Variants in HS3ST4 observed in about 807,000 individuals in gnomAD.
The protein encoded by HS3ST4 is heparan sulfate-glucosamine 3-sulfotransferase 4, also known as heparan sulfate glucosamine 3-O-sulfotransferase 4.
A neutral mutation model predicts 29.2 loss-of-function variants in HS3ST4; 17 were observed. That is an observed-to-expected ratio of 0.58 (90% CI 0.40 to 0.87). HS3ST4 has a LOEUF of 0.87. Ranked by LOEUF, HS3ST4 falls within the 40% of genes least tolerant of loss-of-function variation. The pLI, the probability that HS3ST4 is intolerant of heterozygous loss-of-function variation, is 0.00. For missense variants in HS3ST4, 627 were observed against 634.5 expected (o/e 0.99, Z 0.13); for synonymous variants, 314 against 285.7 (o/e 1.10, Z -1.00).
intron 1 of HS3ST4, among the ~76,000 whole-genome samples, chr16:25,714,556 A>T (rs1309296631): frequency 1.3e-5 from 2 of 152,196 alleles, no homozygotes; most frequent in Admixed American, 6.5e-5. Flanking sequence ...GATGATGCAG[A>T]ACTTGTCCAC....
At chr16:26,119,116 T>C (rs918204579) in intron 1 of HS3ST4, among the ~76,000 whole-genome samples, 3 of 152,198 alleles carry the variant, frequency 2.0e-5, no homozygotes, top group African/African-American at 7.2e-5. Flanking sequence ...TGTCCCAGAT[T>C]GTGTACACTG....
At chr16:25,979,399 C>T (rs955030553) in intron 1 of HS3ST4, among the ~76,000 whole-genome samples, 9 of 152,052 alleles carry the variant, frequency 5.9e-5, no homozygotes, top group African/African-American at 1.9e-4. Context: ...TTACAGCCAC[C>T]CCCTATTGTT....
At chr16:25,701,802 A>G (rs1323247707) in intron 1 of HS3ST4, among the ~76,000 whole-genome samples, 1 of 152,236 alleles carries the variant, frequency 6.6e-6, no homozygotes, top group Non-Finnish European at 1.5e-5. Flanking sequence ...AAATGATCAC[A>G]TTGAAAGGTG....
At chr16:25,756,822 C>G (rs1286340747) in intron 1 of HS3ST4, among the ~76,000 whole-genome samples, 2 of 152,146 alleles carry the variant, frequency 1.3e-5, no homozygotes, top group Non-Finnish European at 2.9e-5. Flanking sequence ...AGCAAAGAAG[C>G]AAAACTGCTT....
At chr16:26,030,398 C>A (rs1307094505) in intron 1 of HS3ST4, among the ~76,000 whole-genome samples, 1 of 152,032 alleles carries the variant, frequency 6.6e-6, no homozygotes, top group East Asian at 1.9e-4. Context: ...GGGTGAGACG[C>A]CGTCTCTAAA....
chr16:25,966,055 A>G (rs12446750), intron 1 of HS3ST4, among the ~76,000 whole-genome samples: 12,383 of 152,214 alleles, frequency 0.081, 715 homozygotes, highest in African/African-American at 0.14. Context: ...TTCATATACC[A>G]TATCATGACA....
rs148936367 is a variant in HS3ST4, at chr16:25,831,978, T to A, written c.734+138827T>A. On this transcript the variant is annotated intron_variant, in intron 1 of 1. Coordinates refer to ENST00000331351, the MANE Select transcript of HS3ST4 (RefSeq NM_006040.3). Reference sequence around the variant, plus strand: ...AAAATTAGCTGTGTGTGGTGGTGCATGTCTGTGGTTCCAGCTGCTCGGGAG... The same window carrying A: ...AAAATTAGCTGTGTGTGGTGGTGCAAGTCTGTGGTTCCAGCTGCTCGGGAG... Among the ~76,000 whole-genome samples, 750 of 152,114 alleles carry A rather than the reference T, an allele frequency of 4.9e-3. 5 individuals are homozygous for A. Among genetic ancestry groups the A allele is most frequent in the African/African-American group, 0.017 (722 of 41,496 alleles).
intron 1 of HS3ST4, among the ~76,000 whole-genome samples, chr16:25,844,462 G>T (rs903193748): frequency 6.6e-6 from 1 of 152,092 alleles, no homozygotes. Context: ...TTCTGCTAGT[G>T]GTTATTCATG....
intron 1 of HS3ST4, among the ~76,000 whole-genome samples, chr16:25,977,453 A>G (rs2141720519): frequency 6.6e-6 from 1 of 152,282 alleles, no homozygotes. Context: ...TTCTTTAAAC[A>G]TGTCCCGATC....
At chr16:25,696,945 C>T (rs144393633) in intron 1 of HS3ST4, among the ~76,000 whole-genome samples, 5 of 152,282 alleles carry the variant, frequency 3.3e-5, no homozygotes, top group East Asian at 1.9e-4. Context: ...CCACTTTACA[C>T]GTGGCTCCGA....
At chr16:26,010,543 A>G (rs927996589) in intron 1 of HS3ST4, among the ~76,000 whole-genome samples, 2 of 152,194 alleles carry the variant, frequency 1.3e-5, no homozygotes, top group African/African-American at 4.8e-5. Flanking sequence ...TTTTAAATTG[A>G]GGCTTAAGGA....
At chr16:25,716,780 G>A (rs572505320) in intron 1 of HS3ST4, among the ~76,000 whole-genome samples, 27 of 152,304 alleles carry the variant, frequency 1.8e-4, no homozygotes, top group South Asian at 4.1e-4. Flanking sequence ...TAGGTCAGAC[G>A]CGGTGGCTCA....
chr16:25,856,911 G>T (rs1242697225), intron 1 of HS3ST4, among the ~76,000 whole-genome samples: 1 of 152,156 alleles, frequency 6.6e-6, no homozygotes, highest in East Asian at 1.9e-4. Context: ...CCTGAGGGGT[G>T]GTCATGGGAA....
intron 1 of HS3ST4, among the ~76,000 whole-genome samples, chr16:25,903,365 TTA>T (rs34578455): frequency 0.4 from 49,852 of 123,638 alleles, 13,430 homozygotes; most frequent in South Asian, 0.52. Flanking sequence ...TATGTATATC[TTA>T]TATATATATA....
intron 1 of HS3ST4, among the ~76,000 whole-genome samples, chr16:26,101,081 C>G (rs1001537107): frequency 1.3e-5 from 2 of 152,196 alleles, no homozygotes; most frequent in Non-Finnish European, 2.9e-5. Context: ...ACCGTTTACT[C>G]CAGTTGGTGT....
chr16:25,744,409 G>A (rs528707033), intron 1 of HS3ST4, among the ~76,000 whole-genome samples: 23 of 152,296 alleles, frequency 1.5e-4, no homozygotes, highest in African/African-American at 5.5e-4. Flanking sequence ...TAAGCTGCAG[G>A]TATGAGTTAG....
At chr16:26,110,611 A>T (rs1007089326) in intron 1 of HS3ST4, among the ~76,000 whole-genome samples, 7 of 152,180 alleles carry the variant, frequency 4.6e-5, no homozygotes, top group Non-Finnish European at 1.0e-4. Context: ...CACCGCTCTC[A>T]TCGTTCTCTC....
At chr16:26,002,224 T>C (rs541887801) in intron 1 of HS3ST4, among the ~76,000 whole-genome samples, 42 of 152,116 alleles carry the variant, frequency 2.8e-4, no homozygotes, top group Non-Finnish European at 5.3e-4. Context: ...CCCTATGAAA[T>C]CTGAGGATCA....
chr16:25,893,259 TGG>T (rs1248265374), intron 1 of HS3ST4, among the ~76,000 whole-genome samples: 1 of 152,172 alleles, frequency 6.6e-6, no homozygotes, highest in Non-Finnish European at 1.5e-5. Flanking sequence ...AGGATGGTGC[TGG>T]GATTATGGCC....
Sources: gnomAD v4.1 joint callset for allele counts (sites outside exome capture counted in the v4.1 genomes callset) on GRCh38, gnomAD v4.1.1 for gene constraint, MANE v1.5 for transcripts, NCBI Gene and HGNC (gene_info 2026-07-23, HGNC 2026-07-21) for gene names.